The following DENND4C variants were observed in gnomAD, a reference collection of about 807,000 sequenced individuals.
The protein encoded by DENND4C is DENN domain-containing protein 4C.
Under a neutral mutation model 203.0 loss-of-function variants are expected in DENND4C, and 108 were observed. That is an observed-to-expected ratio of 0.53 (90% CI 0.46 to 0.62). The LOEUF (loss-of-function observed/expected upper bound fraction) is 0.62, where lower values mean the gene tolerates loss of function less well. Ranked by LOEUF, DENND4C falls within the 20% of genes least tolerant of loss-of-function variation. DENND4C has a pLI of 0.00. For missense variants in DENND4C, 2,481 were observed against 2,301.2 expected (o/e 1.08, Z -1.60); for synonymous variants, 871 against 792.4 (o/e 1.10, Z -1.67).
At chr9:19,347,170 G>C in intron 23 of DENND4C, 84 bp downstream of exon 23, 1 of 1,342,902 alleles carries the variant, frequency 7.4e-7, no homozygotes, top group Non-Finnish European at 1.0e-6. Flanking sequence ...CTTGTTCAGA[G>C]ATTTCTGTGC....
At chr9:19,252,846 A>G (rs1303704976) in intron 1 of DENND4C, among the ~76,000 whole-genome samples, 1 of 151,816 alleles carries the variant, frequency 6.6e-6, no homozygotes, top group Non-Finnish European at 1.5e-5. Flanking sequence ...AGTAATTCTC[A>G]TGCCTCAGCC....
chr9:19,279,386 G>C (rs904236448), intron 2 of DENND4C, among the ~76,000 whole-genome samples: 4 of 149,622 alleles, frequency 2.7e-5, no homozygotes, highest in Non-Finnish European at 4.5e-5. Flanking sequence ...AAATAAAAAT[G>C]AGCAAGGGCC....
chr9:19,295,396 T>C (rs960012137), intron 5 of DENND4C, among the ~76,000 whole-genome samples: 2 of 151,948 alleles, frequency 1.3e-5, no homozygotes, highest in African/African-American at 4.8e-5. Context: ...TCCCAGTTAC[T>C]TGGGAGGCTG....
chr9:19,317,417 T>C (rs1378058268), intron 12 of DENND4C, among the ~76,000 whole-genome samples: 1 of 152,216 alleles, frequency 6.6e-6, no homozygotes, highest in Non-Finnish European at 1.5e-5. Context: ...GGGAAAAACG[T>C]ATACTCGTTA....
chr9:19,237,621 T>C (rs1822342522), intron 1 of DENND4C, among the ~76,000 whole-genome samples: 1 of 152,144 alleles, frequency 6.6e-6, no homozygotes, highest in Non-Finnish European at 1.5e-5. Flanking sequence ...CCTCCCAAAG[T>C]GCTGGGATTA....
rs1273187733 is a variant in DENND4C, at chr9:19,374,228, C to T, written c.*2055C>T. ...CTCGTAACTTGAACTCAAGTTTTCA[C>T]TTACTGACGCGCTTCCCATTAAAAA... On this transcript the variant is annotated 3_prime_UTR_variant, in exon 33 of 33. Transcript: ENST00000434457. 6.6e-6 allele frequency among the ~76,000 whole-genome samples: 1 copy of T among 152,106 alleles called. No individual in the cohort carries two copies. The highest frequency in any genetic ancestry group is 1.5e-5 in the Non-Finnish European group (1 of 68,014).
At chr9:19,309,036 G>A (rs1840242959) in intron 10 of DENND4C, among the ~76,000 whole-genome samples, 1 of 152,200 alleles carries the variant, frequency 6.6e-6, no homozygotes, top group African/African-American at 2.4e-5. Flanking sequence ...GTAGAAAGTA[G>A]ATTGATTAGT....
In DENND4C at chr9:19,328,106, C is replaced by T; in HGVS notation, c.2197C>T (p.Pro733Ser). ...GTTGAAACTTTGTTTTAGTAGACACCCTACTGGGAATAGCATTACAAAGAG... is the reference window on the plus strand; with the variant it reads ...GTTGAAACTTTGTTTTAGTAGACACTCTACTGGGAATAGCATTACAAAGAG... Reference protein sequence around the residue: ...QELKLCFSRHPTGNSITKSPP... With the variant: ...QELKLCFSRHSTGNSITKSPP... The change falls in exon 16 of 33, where the codon CCT becomes TCT. Residue 733 changes from proline (P) to serine (S), a missense_variant. Physicochemically the swap from Pro to Ser is moderately conservative, Grantham distance 74 (BLOSUM62 -1). Around this residue, in one of 3 missense-constraint regions of DENND4C, gnomAD observed 2,289 missense variants for 2,113.3 expected, o/e 1.08. Coordinates refer to ENST00000434457, the MANE Select transcript of DENND4C (RefSeq NM_001330640.2). 2 of 1,613,258 alleles carry T rather than the reference C, an allele frequency of 1.2e-6. No homozygotes were observed. The highest frequency in any genetic ancestry group is 1.7e-6 in the Non-Finnish European group (2 of 1,179,676).
intron 1 of DENND4C, among the ~76,000 whole-genome samples, chr9:19,240,747 A>G (rs2131441268): frequency 6.6e-6 from 1 of 152,034 alleles, no homozygotes; most frequent in East Asian, 1.9e-4. Context: ...CAGGCAGATC[A>G]CTTGAGGTCA....
intron 1 of DENND4C, among the ~76,000 whole-genome samples, chr9:19,271,015 C>G (rs758016811): frequency 2.6e-5 from 4 of 152,018 alleles, no homozygotes; most frequent in African/African-American, 4.8e-5. Flanking sequence ...ATAAATCTGA[C>G]CAAAGATGTG....
At chr9:19,335,473 T>C (rs1441438592) in intron 18 of DENND4C, among the ~76,000 whole-genome samples, 1 of 152,180 alleles carries the variant, frequency 6.6e-6, no homozygotes, top group Non-Finnish European at 1.5e-5. Context: ...AACTGAAGTT[T>C]TGTATCCTTT....
intron 31 of DENND4C, 165 bp downstream of exon 31, chr9:19,370,152 A>G: frequency 1.2e-6 from 1 of 853,546 alleles, no homozygotes; most frequent in Non-Finnish European, 1.8e-6. Flanking sequence ...ACTTGAACAC[A>G]AACACATAAT....
At chr9:19,306,067 AG>A (rs2131383544) in intron 10 of DENND4C, among the ~76,000 whole-genome samples, 1 of 152,324 alleles carries the variant, frequency 6.6e-6, no homozygotes, top group Non-Finnish European at 1.5e-5. Context: ...GGTACAGCTG[AG>A]GGTTCAGAGA....
chr9:19,241,966 G>A (rs887212739), intron 1 of DENND4C, among the ~76,000 whole-genome samples: 1 of 151,598 alleles, frequency 6.6e-6, no homozygotes, highest in East Asian at 1.9e-4. Flanking sequence ...TGAGATGGGC[G>A]GATTGCTTGA....
intron 12 of DENND4C, among the ~76,000 whole-genome samples, chr9:19,318,194 C>T (rs1327581599): frequency 2.6e-5 from 4 of 152,098 alleles, no homozygotes; most frequent in Non-Finnish European, 4.4e-5. Flanking sequence ...TGGTGTGTGC[C>T]TGTAATCCCA....
chr9:19,299,113 A>G (rs1053227911), intron 7 of DENND4C, 116 bp from the exon 8 acceptor site: 3 of 698,958 alleles, frequency 4.3e-6, no homozygotes, highest in African/African-American at 1.9e-5. Context: ...TTAAATTATT[A>G]ATGTTTTCAA....
chr9:19,278,251 T>A (rs1833310579), intron 2 of DENND4C, among the ~76,000 whole-genome samples: 1 of 152,062 alleles, frequency 6.6e-6, no homozygotes, highest in Non-Finnish European at 1.5e-5. Flanking sequence ...TTCTCCTGCC[T>A]CAGCCTCTTG....
chr9:19,304,098 A>G (rs1839160362), intron 9 of DENND4C, among the ~76,000 whole-genome samples: 1 of 147,276 alleles, frequency 6.8e-6, no homozygotes, highest in African/African-American at 2.5e-5. Flanking sequence ...AGCTTTGTAA[A>G]GGAAAATGGG....
intron 10 of DENND4C, 46 bp downstream of exon 10, chr9:19,305,573 A>G: frequency 6.5e-7 from 1 of 1,538,808 alleles, no homozygotes; most frequent in Non-Finnish European, 8.8e-7. Flanking sequence ...ATTTTTCACT[A>G]TGTAGAGTTA....
Sources: gnomAD v4.1 joint callset for allele counts (sites outside exome capture counted in the v4.1 genomes callset) on GRCh38, gnomAD v4.1.1 for gene constraint, gnomAD v4.1.1 regional missense constraint, MANE v1.5 for transcripts, NCBI Gene and HGNC (gene_info 2026-07-23, HGNC 2026-07-21) for gene names.